The following AMOTL1 variants were observed in gnomAD, a reference collection of about 807,000 sequenced individuals.
The protein encoded by AMOTL1 is angiomotin-like protein 1.
A neutral mutation model predicts 102.9 loss-of-function variants in AMOTL1; 45 were observed. The ratio of observed to expected loss-of-function variants is 0.44; its 90% confidence interval spans 0.34 to 0.56. AMOTL1 has a LOEUF of 0.56. AMOTL1 is among the 20% of genes least tolerant of loss of function. AMOTL1 has a pLI of 0.01. For synonymous variants in AMOTL1, 481 were observed against 484.7 expected (o/e 0.99, Z 0.10); for missense variants, 1,114 against 1,225.6 (o/e 0.91, Z 1.36).
In AMOTL1 at chr11:94,713,611, C is replaced by T. The variant is rs149594373; in HGVS notation, c.-51+7014C>T. 5.9e-4 allele frequency among the ~76,000 whole-genome samples: 89 copies of T among 151,724 alleles called. 1 individual carries two copies. In the East Asian group the frequency reaches 0.016, roughly 27 times the overall value. ...CTGTAGGTATTTTGTTAAATTTATA[C>T]GAAGTACTTAACTTTCTTTGGAGCA... On this transcript the variant is annotated intron_variant, in intron 1 of 4. Coordinates refer to the AMOTL1 transcript ENST00000299004.
rs111907230 is a variant in AMOTL1 at position 94,840,681 on chromosome 11, T to TAC, written c.1648+9166_1648+9167dup. 5.4e-3 allele frequency among the ~76,000 whole-genome samples: 565 copies of TAC among 104,720 alleles called. 2 individuals are homozygous for TAC. The highest frequency in any genetic ancestry group is 0.013 in the East Asian group (35 of 2,786). The allele number at this position is 104,720 out of a possible 152,430, so 68.7% of individuals were successfully genotyped here. A position where few individuals can be genotyped will look rare whatever the true frequency, so the allele number is the denominator to read the frequency against. On this transcript the variant is annotated intron_variant, in intron 6 of 12. Transcript: ENST00000433060. ...ATATATATATATATATATATATATA[T>TAC]ACACACACACACACACACACACACA...
chr11:94,725,567 G>T (rs1950244597), intron 1 of AMOTL1, among the ~76,000 whole-genome samples: 2 of 152,068 alleles, frequency 1.3e-5, no homozygotes, highest in South Asian at 4.1e-4. Flanking sequence ...CTAAACTATA[G>T]ATATATTAAC....
chr11:94,784,492 C>G (rs1278445380), intron 1 of AMOTL1, among the ~76,000 whole-genome samples: 1 of 152,068 alleles, frequency 6.6e-6, no homozygotes, highest in East Asian at 1.9e-4. Flanking sequence ...ATATAGGACA[C>G]TAAAACTACT....
At chr11:94,710,820 T>C (rs1398158428) in intron 1 of AMOTL1, among the ~76,000 whole-genome samples, 1 of 152,232 alleles carries the variant, frequency 6.6e-6, no homozygotes, top group Non-Finnish European at 1.5e-5. Context: ...CCATCCTCTG[T>C]ATCTAAAATA....
chr11:94,810,801 AAAG>A (rs1321829504), intron 3 of AMOTL1, among the ~76,000 whole-genome samples: 1 of 150,160 alleles, frequency 6.7e-6, no homozygotes, highest in Non-Finnish European at 1.5e-5. Flanking sequence ...CTCAAAAAAA[AAAG>A]AAAGATCCTA....
intron 1 of AMOTL1, among the ~76,000 whole-genome samples, chr11:94,785,582 T>C (rs1458561651): frequency 6.6e-6 from 1 of 152,202 alleles, no homozygotes; most frequent in African/African-American, 2.4e-5. Context: ...TGAACGCATA[T>C]TGATTTAGGA....
At chr11:94,744,865 G>A (rs1950572036) in intron 3 of AMOTL1, among the ~76,000 whole-genome samples, 1 of 152,190 alleles carries the variant, frequency 6.6e-6, no homozygotes, top group Non-Finnish European at 1.5e-5. Context: ...GTAAGTGCAA[G>A]ATGAATGTTA....
exon 3 of AMOTL1, chr11:94,740,969 C>T (rs1035368407): frequency 2.0e-5 from 26 of 1,288,948 alleles, no homozygotes; most frequent in Non-Finnish European, 2.5e-5. Context: ...CGCCCGCATC[C>T]TACAGCCCAG....
chr11:94,775,073 C>G (rs1291340694), intron 1 of AMOTL1, among the ~76,000 whole-genome samples: 1 of 152,150 alleles, frequency 6.6e-6, no homozygotes, highest in Non-Finnish European at 1.5e-5. Flanking sequence ...TATTTATCTT[C>G]TAAGGTTATT....
At chr11:94,735,110 G>A (rs969733012) in intron 2 of AMOTL1, among the ~76,000 whole-genome samples, 1 of 152,190 alleles carries the variant, frequency 6.6e-6, no homozygotes, top group African/African-American at 2.4e-5. Context: ...GGGGCCCCTT[G>A]AGTGAGAACA....
intron 4 of AMOTL1, among the ~76,000 whole-genome samples, chr11:94,827,070 T>C (rs1157438541): frequency 6.6e-6 from 1 of 152,164 alleles, no homozygotes; most frequent in Non-Finnish European, 1.5e-5. Context: ...TTAGAAGTTA[T>C]ACATTTAAAG....
intron 2 of AMOTL1, chr11:94,729,154 T>C: frequency 1.1e-6 from 1 of 887,160 alleles, no homozygotes; most frequent in Non-Finnish European, 1.5e-6. Flanking sequence ...ACGCTGTTTG[T>C]CTTTTCAAAA....
intron 1 of AMOTL1, among the ~76,000 whole-genome samples, chr11:94,721,238 G>A (rs1415006584): frequency 2.0e-5 from 3 of 152,094 alleles, no homozygotes; most frequent in South Asian, 2.1e-4. Flanking sequence ...AATAGACACC[G>A]ATTTCACCAA....
At chr11:94,762,022 A>G (rs1950800134) in intron 3 of AMOTL1, among the ~76,000 whole-genome samples, 1 of 151,996 alleles carries the variant, frequency 6.6e-6, no homozygotes, top group Non-Finnish European at 1.5e-5. Context: ...CTATTGTGAA[A>G]CTCCTTATTT....
intron 3 of AMOTL1, among the ~76,000 whole-genome samples, chr11:94,748,099 T>G (rs1462500819): frequency 6.6e-6 from 1 of 152,202 alleles, no homozygotes; most frequent in Non-Finnish European, 1.5e-5. Flanking sequence ...TGTGGGTGCT[T>G]GGTCTTGGTA....
At chr11:94,750,120 T>G (rs1471893241) in intron 3 of AMOTL1, among the ~76,000 whole-genome samples, 2 of 152,170 alleles carry the variant, frequency 1.3e-5, no homozygotes, top group Non-Finnish European at 2.9e-5. Context: ...ATATAACAAT[T>G]TCCAAGCATT....
chr11:94,809,871 G>A (rs745864071), intron 3 of AMOTL1, among the ~76,000 whole-genome samples: 1 of 152,058 alleles, frequency 6.6e-6, no homozygotes, highest in Non-Finnish European at 1.5e-5. Context: ...CTGATAAAGT[G>A]TTTGATTTAA....
chr11:94,765,662 C>G (rs1458316841), upstream of AMOTL1, among the ~76,000 whole-genome samples: 2 of 152,206 alleles, frequency 1.3e-5, no homozygotes, highest in Non-Finnish European at 2.9e-5. Flanking sequence ...CAAGCTGTGC[C>G]TAGCACTTCA....
In AMOTL1 at chr11:94,806,270, C is replaced by A. The variant is rs370460408; in HGVS notation, c.1121+5959C>A. On this transcript the variant is annotated intron_variant, in intron 3 of 12. Transcript: ENST00000433060. The stretch of plus-strand genomic sequence containing the variant: ...ATGAAGATATTTGCTAAATCACAGG[C>A]CTTACTCCTAGTGGGCTCTGTGTTT... 5.3e-5 allele frequency among the ~76,000 whole-genome samples: 8 copies of A among 152,318 alleles called. No homozygotes were observed. The East Asian group carries it at 9.6e-4, about 18-fold the overall frequency.
Sources: gnomAD v4.1 joint callset for allele counts (sites outside exome capture counted in the v4.1 genomes callset) on GRCh38, gnomAD v4.1.1 for gene constraint, MANE v1.5 for transcripts, NCBI Gene and HGNC (gene_info 2026-07-23, HGNC 2026-07-21) for gene names.